SGCZ: variants seen among roughly 807,000 people sequenced by gnomAD.
SGCZ encodes sarcoglycan zeta, also known as zeta-sarcoglycan.
A neutral mutation model predicts 41.3 loss-of-function variants in SGCZ; 40 were observed. The observed-to-expected ratio is 0.97, with a 90% CI of 0.75 to 1.26. The LOEUF (loss-of-function observed/expected upper bound fraction) is 1.26, where lower values mean the gene tolerates loss of function less well. Ranked by LOEUF, SGCZ falls within the 50% of genes most tolerant of loss-of-function variation. SGCZ has a pLI of 0.00. For missense variants in SGCZ, 552 were observed against 369.8 expected (o/e 1.49, Z -4.04); for synonymous variants, 206 against 137.5 (o/e 1.50, Z -3.49).
chr8:14,141,365 T>A (rs942985071), intron 5 of SGCZ, among the ~76,000 whole-genome samples: 1 of 152,100 alleles, frequency 6.6e-6, no homozygotes, highest in Non-Finnish European at 1.5e-5. Flanking sequence ...GAAACTACCA[T>A]CAGAGTGAAA....
At chr8:14,797,559 C>CA (rs1801176202) in intron 1 of SGCZ, among the ~76,000 whole-genome samples, 1 of 152,186 alleles carries the variant, frequency 6.6e-6, no homozygotes, top group Non-Finnish European at 1.5e-5. Context: ...TACAGCCTGA[C>CA]AAGGCAATAG....
chr8:14,727,061 T>C (rs936715055), intron 1 of SGCZ, among the ~76,000 whole-genome samples: 2 of 151,874 alleles, frequency 1.3e-5, no homozygotes, highest in Non-Finnish European at 2.9e-5. Flanking sequence ...AATAAGCTTA[T>C]CCGGCAAAAG....
intron 2 of SGCZ, among the ~76,000 whole-genome samples, chr8:14,413,332 C>A (rs182465808): frequency 2.1e-4 from 31 of 148,018 alleles, no homozygotes; most frequent in Middle Eastern, 6.9e-3. Context: ...ACCTTTCATA[C>A]CTCAATGATA....
intron 2 of SGCZ, among the ~76,000 whole-genome samples, chr8:14,363,246 A>T (rs1050532572): frequency 3.3e-5 from 5 of 152,078 alleles, no homozygotes; most frequent in Non-Finnish European, 5.9e-5. Context: ...ATACCGTGCT[A>T]TTTTTCTGTC....
chr8:15,136,046 C>G (rs1348378823), intron 1 of SGCZ, among the ~76,000 whole-genome samples: 1 of 152,030 alleles, frequency 6.6e-6, no homozygotes, highest in Non-Finnish European at 1.5e-5. Context: ...TAGGTGTTGA[C>G]AGGGCAATGG....
chr8:14,903,888 A>T (rs1188920541), intron 1 of SGCZ, among the ~76,000 whole-genome samples: 1 of 152,022 alleles, frequency 6.6e-6, no homozygotes, highest in African/African-American at 2.4e-5. Context: ...AAATCTAGGG[A>T]AGATTAACCT....
intron 2 of SGCZ, among the ~76,000 whole-genome samples, chr8:14,517,050 CG>C (rs201417712): frequency 0.025 from 3,754 of 152,010 alleles, 52 homozygotes; most frequent in Non-Finnish European, 0.037. Flanking sequence ...CCCTATGACT[CG>C]TAAATTTTCA....
At chr8:14,959,583 T>G (rs182579960) in intron 1 of SGCZ, among the ~76,000 whole-genome samples, 1 of 152,288 alleles carries the variant, frequency 6.6e-6, no homozygotes, top group East Asian at 1.9e-4. Flanking sequence ...GTGTATGGGC[T>G]TTTTCGTTCT....
At chr8:14,672,045 C>A (rs898021849) in intron 1 of SGCZ, among the ~76,000 whole-genome samples, 8 of 151,990 alleles carry the variant, frequency 5.3e-5, no homozygotes, top group Non-Finnish European at 8.8e-5. Context: ...TAGCTACCGA[C>A]CCAGAAGTTA....
At chr8:14,907,960 G>A (rs1486168193) in intron 1 of SGCZ, among the ~76,000 whole-genome samples, 3 of 152,110 alleles carry the variant, frequency 2.0e-5, no homozygotes, top group Non-Finnish European at 4.4e-5. Flanking sequence ...TTTAGAAAGG[G>A]CAGTCTGAAC....
At chr8:14,175,333 G>A (rs76044928) in intron 4 of SGCZ, among the ~76,000 whole-genome samples, 3,324 of 152,130 alleles carry the variant, frequency 0.022, 96 homozygotes, top group African/African-American at 0.069. Context: ...TCAAAAATCA[G>A]AGACATGGGA....
intron 5 of SGCZ, among the ~76,000 whole-genome samples, chr8:14,143,367 G>T (rs1354064127): frequency 1.3e-5 from 2 of 152,054 alleles, no homozygotes; most frequent in East Asian, 3.9e-4. Context: ...TAAAAAGGAA[G>T]AAATAAAATT....
At chr8:14,657,334 C>A (rs1045398733) in intron 1 of SGCZ, among the ~76,000 whole-genome samples, 15 of 151,922 alleles carry the variant, frequency 9.9e-5, no homozygotes, top group African/African-American at 3.6e-4. Context: ...ATTAAGTTTC[C>A]CATAGTAAAC....
intron 7 of SGCZ, among the ~76,000 whole-genome samples, chr8:14,100,597 T>G (rs1267786653): frequency 7.1e-6 from 1 of 141,208 alleles, no homozygotes; most frequent in East Asian, 1.9e-4. Context: ...ATATTATATT[T>G]TATTAATTTA....
intron 7 of SGCZ, among the ~76,000 whole-genome samples, chr8:14,090,995 C>A (rs1158589383): frequency 1.3e-5 from 2 of 151,936 alleles, no homozygotes; most frequent in Non-Finnish European, 2.9e-5. Context: ...CCCGTCACAT[C>A]CCCCTGACAG....
Position 14,344,100 on chromosome 8 carries a change from G to A in SGCZ, c.235-19896C>T, listed in dbSNP as rs192955602. 5.9e-5 allele frequency among the ~76,000 whole-genome samples: 9 copies of A among 152,174 alleles called. No individual in the cohort carries two copies. The East Asian group carries it at 7.7e-4, about 13-fold the overall frequency. Reference sequence around the variant, plus strand: ...TAAGAACTTTATTGATGGGCACAGCGAGAGATTGGGAACTGCTAAAGACAG... The same window carrying A: ...TAAGAACTTTATTGATGGGCACAGCAAGAGATTGGGAACTGCTAAAGACAG... On this transcript the variant is annotated intron_variant, in intron 2 of 7. Transcript: ENST00000382080.
chr8:14,462,319 A>C (rs1234062982), intron 2 of SGCZ, among the ~76,000 whole-genome samples: 2 of 152,038 alleles, frequency 1.3e-5, no homozygotes, highest in Non-Finnish European at 2.9e-5. Flanking sequence ...ATTTACAAAA[A>C]TTCCATGTAA....
intron 2 of SGCZ, among the ~76,000 whole-genome samples, chr8:14,542,163 T>G (rs1251092212): frequency 6.6e-6 from 1 of 152,106 alleles, no homozygotes; most frequent in African/African-American, 2.4e-5. Context: ...ATTTTGGCTT[T>G]TGTTATTATT....
At chr8:14,128,419 C>G (rs1199069258) in intron 5 of SGCZ, among the ~76,000 whole-genome samples, 1 of 152,028 alleles carries the variant, frequency 6.6e-6, no homozygotes, top group Non-Finnish European at 1.5e-5. Context: ...GGTGAGGATG[C>G]AGATAAAAGG....
Sources: gnomAD v4.1 joint callset for allele counts (sites outside exome capture counted in the v4.1 genomes callset) on GRCh38, gnomAD v4.1.1 for gene constraint, MANE v1.5 for transcripts, NCBI Gene and HGNC (gene_info 2026-07-23, HGNC 2026-07-21) for gene names.